The following C1QTNF2 variants were observed in gnomAD, a reference collection of about 807,000 sequenced individuals.
C1QTNF2 encodes the protein complement C1q tumor necrosis factor-related protein 2.
C1QTNF2 carries 15 observed loss-of-function variants against 17.4 expected under a neutral mutation model. That is an observed-to-expected ratio of 0.86 (90% CI 0.58 to 1.33). The LOEUF (loss-of-function observed/expected upper bound fraction) is 1.33. Ranked by LOEUF, C1QTNF2 falls within the 40% of genes most tolerant of loss-of-function variation. C1QTNF2 has a pLI of 0.00. For missense variants in C1QTNF2, 381 were observed against 392.3 expected (o/e 0.97, Z 0.24); for synonymous variants, 154 against 163.3 (o/e 0.94, Z 0.44).
chr5:160,367,531 A>G (rs1764268618), intron 1 of C1QTNF2, among the ~76,000 whole-genome samples: 1 of 152,216 alleles, frequency 6.6e-6, no homozygotes, highest in African/African-American at 2.4e-5. Flanking sequence ...AGATCAGGAC[A>G]CAGACACATA....
At position 160,349,485 on chromosome 5, in the gene C1QTNF2, T is replaced by A; in HGVS notation, c.541A>T (p.Asn181Tyr). ...CAGACGAACTTGCCGCTGGAAGCATTGTAGTGGCCACCCTCGTTCATCAGA... is the reference window on the plus strand; with the variant it reads ...CAGACGAACTTGCCGCTGGAAGCATAGTAGTGGCCACCCTCGTTCATCAGA... ...KILMNEGGHY[N>Y]ASSGKFVCGV... Residue 181 changes from asparagine to tyrosine, a missense_variant, in exon 3 of 3, where the codon AAT (asparagine) becomes TAT (tyrosine). Coordinates refer to ENST00000652664, the MANE Select transcript of C1QTNF2 (RefSeq NM_031908.6). The surrounding 1 kb of genome is among the most constrained non-coding windows in gnomAD (Gnocchi z 4.3). The A allele has an allele frequency of 6.2e-7, 1 of 1,613,964 alleles. No homozygotes were observed. The highest frequency in any genetic ancestry group is 8.5e-7 in the Non-Finnish European group (1 of 1,180,012).
At position 160,348,045 on chromosome 5, in the gene C1QTNF2, C is replaced by T. The variant is rs529865091; in HGVS notation, c.*1123G>A. 1 of 152,386 alleles carries T rather than the reference C, an allele frequency of 6.6e-6. No homozygotes were observed. The highest frequency in any genetic ancestry group is 1.5e-5 in the Non-Finnish European group (1 of 68,090). 9.4% of individuals were successfully genotyped at this position (152,386 alleles called of 1,614,324 possible). ...GTCCTGGGATTATAGGCATGAGCTA[C>T]CACATCCCGCCAGCACCTGGCACTT... On this transcript the variant is annotated 3_prime_UTR_variant, in exon 3 of 3. Coordinates refer to ENST00000652664, the MANE Select transcript of C1QTNF2 (RefSeq NM_031908.6).
intron 2 of C1QTNF2, among the ~76,000 whole-genome samples, chr5:160,350,153 T>G (rs1412987260): frequency 6.6e-6 from 1 of 152,178 alleles, no homozygotes; most frequent in Non-Finnish European, 1.5e-5. Context: ...AACACGTTGA[T>G]CTTAGTAAAA....
At chr5:160,364,485 C>A (rs1764211806) in intron 1 of C1QTNF2, among the ~76,000 whole-genome samples, 1 of 152,144 alleles carries the variant, frequency 6.6e-6, no homozygotes, top group Admixed American at 6.5e-5. Context: ...TTATTTCTTG[C>A]CCTTCCGAAA....
chr5:160,353,171 G>A (rs147228246), intron 2 of C1QTNF2, among the ~76,000 whole-genome samples: 21 of 152,060 alleles, frequency 1.4e-4, no homozygotes, highest in Non-Finnish European at 2.5e-4. Context: ...GAATCCCTCC[G>A]GCACACGATA....
chr5:160,365,577 C>T (rs1010651862), intron 1 of C1QTNF2, among the ~76,000 whole-genome samples: 1 of 151,928 alleles, frequency 6.6e-6, no homozygotes, highest in African/African-American at 2.4e-5. Context: ...CACCTCACCC[C>T]GCCATCTCTA....
intron 1 of C1QTNF2, among the ~76,000 whole-genome samples, chr5:160,359,207 T>G (rs567235731): frequency 6.6e-6 from 1 of 152,180 alleles, no homozygotes; most frequent in Admixed American, 6.5e-5. Flanking sequence ...AGTCACACAA[T>G]CAGGGATTAA....
At position 160,370,585 on chromosome 5, in the gene C1QTNF2, T is replaced by C; in HGVS notation, c.-83A>G. ...TCGGCGGGGCTCCGCGTCCCGGCTTTCCTCAGCGGCAGCAGCCGGGCAGAG... is the reference window on the plus strand; with the variant it reads ...TCGGCGGGGCTCCGCGTCCCGGCTTCCCTCAGCGGCAGCAGCCGGGCAGAG... On this transcript the variant is annotated 5_prime_UTR_variant, in exon 1 of 3. Coordinates refer to ENST00000652664, the MANE Select transcript of C1QTNF2 (RefSeq NM_031908.6). 6.9e-7 allele frequency: 1 copy of C among 1,452,994 alleles called. No homozygotes were observed. Among genetic ancestry groups the C allele is most frequent in the Non-Finnish European group, 9.0e-7 (1 of 1,109,586 alleles). The allele number at this position is 1,452,994 out of a possible 1,614,324, so 90.0% of individuals were successfully genotyped here.
intron 2 of C1QTNF2, among the ~76,000 whole-genome samples, chr5:160,354,415 T>TA (rs1581033919): frequency 6.6e-6 from 1 of 150,738 alleles, no homozygotes; most frequent in Non-Finnish European, 1.5e-5. Context: ...CCCTCTCTAC[T>TA]AAAAAATACA....
intron 2 of C1QTNF2, among the ~76,000 whole-genome samples, chr5:160,353,625 T>C (rs1483903768): frequency 2.0e-5 from 3 of 152,118 alleles, no homozygotes; most frequent in East Asian, 3.9e-4. Context: ...ATTTGCTCTG[T>C]GGATGAAGCC....
At chr5:160,369,155 A>G (rs1764302125) in intron 1 of C1QTNF2, among the ~76,000 whole-genome samples, 1 of 151,744 alleles carries the variant, frequency 6.6e-6, no homozygotes, top group South Asian at 2.1e-4. Flanking sequence ...TTAAGGGGTT[A>G]CCTTTCAGAA....
chr5:160,356,826 G>T (rs898001643), intron 1 of C1QTNF2, among the ~76,000 whole-genome samples: 2 of 152,116 alleles, frequency 1.3e-5, no homozygotes, highest in Non-Finnish European at 2.9e-5. Context: ...GCCTGTCCAG[G>T]CTTTTCGGCT....
chr5:160,368,838 C>T (rs535058905), intron 1 of C1QTNF2, among the ~76,000 whole-genome samples: 1 of 152,138 alleles, frequency 6.6e-6, no homozygotes, highest in African/African-American at 2.4e-5. Flanking sequence ...AAAAGTGACA[C>T]CTTGGAGAAC....
chr5:160,354,724 T>A (rs1360549358), intron 2 of C1QTNF2, 44 bp downstream of exon 2: 2 of 1,611,042 alleles, frequency 1.2e-6, no homozygotes, highest in Admixed American at 3.4e-5. Context: ...TGCCGGATGC[T>A]GTCAGCCAGG....
chr5:160,350,901 C>G (rs1341194644), intron 2 of C1QTNF2, among the ~76,000 whole-genome samples: 1 of 152,142 alleles, frequency 6.6e-6, no homozygotes, highest in East Asian at 1.9e-4. Flanking sequence ...CAGGCACCTG[C>G]CACCACGCCC....
intron 1 of C1QTNF2, among the ~76,000 whole-genome samples, chr5:160,367,034 A>AAAG (rs1554127999): frequency 6.6e-6 from 1 of 151,798 alleles, no homozygotes; most frequent in African/African-American, 2.4e-5. Context: ...AAAAAAAAAA[A>AAAG]AAAAAGAAAA....
chr5:160,355,260 G>A, intron 1 of C1QTNF2: 2 of 984,976 alleles, frequency 2.0e-6, no homozygotes, highest in Non-Finnish European at 2.4e-6. Context: ...TCGGGGGTGA[G>A]GCATTCATCA....
intron 1 of C1QTNF2, among the ~76,000 whole-genome samples, chr5:160,366,307 C>T (rs1455888424): frequency 1.3e-5 from 2 of 152,170 alleles, no homozygotes; most frequent in Non-Finnish European, 2.9e-5. Flanking sequence ...CTCACACCTC[C>T]CTTACAGAGT....
At chr5:160,364,592 C>G (rs74840989) in intron 1 of C1QTNF2, among the ~76,000 whole-genome samples, 1 of 152,174 alleles carries the variant, frequency 6.6e-6, no homozygotes, top group South Asian at 2.1e-4. Context: ...CTAACAAAAA[C>G]CAGTCCTGAT....
Sources: allele counts gnomAD v4.1 joint callset (sites outside exome capture counted in the v4.1 genomes callset), GRCh38; gene constraint gnomAD v4.1.1; non-coding constraint Gnocchi (gnomAD v3.1); transcripts MANE v1.5; gene names NCBI Gene and HGNC (gene_info 2026-07-23, HGNC 2026-07-21).